Variants in CHST12 observed in about 807,000 individuals in gnomAD.
CHST12 encodes the protein carbohydrate sulfotransferase 12.
A neutral mutation model predicts 27.9 loss-of-function variants in CHST12; 23 were observed. The ratio of observed to expected loss-of-function variants is 0.82; its 90% CI spans 0.59 to 1.17. CHST12 has a LOEUF of 1.17. Ranked by LOEUF, CHST12 falls within the 50% of genes most tolerant of loss-of-function variation. The pLI, the probability that CHST12 is intolerant of heterozygous loss-of-function variation, is 0.00. For synonymous variants in CHST12, 322 were observed against 273.0 expected, an observed-to-expected ratio of 1.18 and a Z score of -1.77; for missense variants, 682 against 603.0, an observed-to-expected ratio of 1.13 and a Z score of -1.37.
chr7:2,420,430 G>A (rs890512312), intron 1 of CHST12, among the ~76,000 whole-genome samples: 6 of 152,078 alleles, frequency 3.9e-5, no homozygotes, highest in Admixed American at 2.0e-4. Flanking sequence ...CATCTGTCGC[G>A]AACACTTGGG....
Position 2,433,445 on chromosome 7 carries a change from AGTTCGCC to A in CHST12, c.809_815del (p.Phe270CysfsTer157). ...CTGGAGAACGAGGAGTTCTACCGCA[AGTTCGCC>A]GTGCCCATGCTGCGGCTGTACGCCA... On this transcript the variant is annotated frameshift_variant, in exon 2 of 2. Coordinates refer to ENST00000618655, the MANE Select transcript of CHST12 (RefSeq NM_018641.5). LOFTEE classifies it high-confidence loss of function. This position sits in a 1 kb window ranked among gnomAD's most constrained non-coding sequence, Gnocchi z 6.1. 1 of 1,610,146 alleles carries A rather than the reference AGTTCGCC, an allele frequency of 6.2e-7. No individual in the cohort carries two copies. Among genetic ancestry groups the A allele is most frequent in the Non-Finnish European group, 8.5e-7 (1 of 1,179,914 alleles).
At chr7:2,419,259 A>G (rs1010475414) in intron 1 of CHST12, among the ~76,000 whole-genome samples, 2 of 152,054 alleles carry the variant, frequency 1.3e-5, no homozygotes, top group Non-Finnish European at 2.9e-5. Flanking sequence ...AAATACAAAA[A>G]TTAGCCAGGC....
At position 2,440,454 on chromosome 7, in the gene CHST12, G is replaced by C. The variant is rs1048148242; in HGVS notation, c.*6570G>C. The C allele has an allele frequency of 2.0e-5, 3 of 152,526 alleles. No individual in the cohort carries two copies. Among genetic ancestry groups the C allele is most frequent in the Non-Finnish European group, 4.4e-5 (3 of 68,252 alleles). 9.4% of individuals were successfully genotyped at this position (152,526 alleles called of 1,614,324 possible). ...ATTTGGACTTGAAAATTCTAGCTCA[G>C]GTCTTTGGGGTAGTGTTTGACCTGA... is the stretch of plus-strand genomic sequence containing the variant. On this transcript the variant is annotated 3_prime_UTR_variant, in exon 2 of 2. Coordinates refer to ENST00000618655, the MANE Select transcript of CHST12 (RefSeq NM_018641.5).
At chr7:2,424,988 T>G (rs1583219533) in intron 1 of CHST12, among the ~76,000 whole-genome samples, 1 of 151,878 alleles carries the variant, frequency 6.6e-6, no homozygotes, top group African/African-American at 2.4e-5. Context: ...GGCAGATCAC[T>G]TGAGGTCAGG....
At chr7:2,403,860 C>G (rs998871707) in intron 1 of CHST12, among the ~76,000 whole-genome samples, 187 bp downstream of exon 1, 3 of 152,006 alleles carry the variant, frequency 2.0e-5, no homozygotes, top group Non-Finnish European at 4.4e-5. Context: ...GCAGTGTGAC[C>G]TTGGCCCTGC....
At chr7:2,428,827 C>T (rs988329271) in intron 1 of CHST12, among the ~76,000 whole-genome samples, 1 of 152,158 alleles carries the variant, frequency 6.6e-6, no homozygotes, top group East Asian at 1.9e-4. Context: ...TGGTTACAAA[C>T]AATCCATAGA....
intron 1 of CHST12, among the ~76,000 whole-genome samples, chr7:2,414,024 C>T (rs1049599249): frequency 3.3e-5 from 5 of 151,996 alleles, no homozygotes; most frequent in Non-Finnish European, 7.4e-5. Flanking sequence ...CCACCACGCC[C>T]GGCCAGTTAT....
intron 1 of CHST12, among the ~76,000 whole-genome samples, chr7:2,428,505 G>T (rs1375710141): frequency 6.6e-6 from 1 of 152,178 alleles, no homozygotes; most frequent in Non-Finnish European, 1.5e-5. Context: ...TGGGTCCGGG[G>T]GGTGACCGCC....
rs6972497 is a variant in CHST12, at chr7:2,440,032, C to T, written c.*6148C>T. On this transcript the variant is annotated 3_prime_UTR_variant, in exon 2 of 2. Transcript: ENST00000618655. ...GCTGTGCCCAGCAGGAATAATTTCT[C>T]AGTGCATCTCTGATGGGGAGGCTAA... 1.3e-4 allele frequency: 20 copies of T among 152,158 alleles called. No individual in the cohort carries two copies. The highest frequency in any genetic ancestry group is 4.8e-4 in the African/African-American group (20 of 41,428). 9.4% of individuals were successfully genotyped at this position (152,158 alleles called of 1,614,324 possible). A position where few individuals can be genotyped will look rare whatever the true frequency, so the allele number is the denominator to read the frequency against.
In CHST12 at chr7:2,425,691, C is replaced by CTTTTTTTTTTTTT. The variant is rs760502452; in HGVS notation, c.-77-6870_-77-6858dup. 7.9e-4 allele frequency among the ~76,000 whole-genome samples: 109 copies of CTTTTTTTTTTTTT among 137,806 alleles called. 1 individual carries two copies. In the South Asian group the frequency reaches 0.015, roughly 19 times the overall value. The allele number at this position is 137,806 out of a possible 152,430, so 90.4% of individuals were successfully genotyped here. A position where few individuals can be genotyped will look rare whatever the true frequency, so the allele number is the denominator to read the frequency against. On this transcript the variant is annotated intron_variant, in intron 1 of 1. Transcript: ENST00000618655. ...CAAATGCAAAATAGCACTGCATTTG[C>CTTTTTTTTTTTTT]TTTTTTTTTTTTTTGTCTTTTGTCA...
rs1271339221 is a variant in CHST12 at position 2,440,390 on chromosome 7, C to T, written c.*6506C>T. On this transcript the variant is annotated 3_prime_UTR_variant, in exon 2 of 2. Coordinates refer to ENST00000618655, the MANE Select transcript of CHST12 (RefSeq NM_018641.5). Reference sequence around the variant, plus strand: ...GTGTGCGTGCAAGTGTGAGTCTGCACTTGTGTGCAAGAGAATGTGTGTGTG... The same window carrying T: ...GTGTGCGTGCAAGTGTGAGTCTGCATTTGTGTGCAAGAGAATGTGTGTGTG... 2 of 153,944 alleles carry T rather than the reference C, an allele frequency of 1.3e-5. No homozygotes were observed. The highest frequency in any genetic ancestry group is 6.0e-4 in the Middle Eastern group (1 of 1,676). The allele number at this position is 153,944 out of a possible 1,614,324, so 9.5% of individuals were successfully genotyped here.
chr7:2,412,861 T>C (rs1781701817), intron 1 of CHST12, among the ~76,000 whole-genome samples: 1 of 152,074 alleles, frequency 6.6e-6, no homozygotes, highest in Non-Finnish European at 1.5e-5. Flanking sequence ...TGTTAGCTAT[T>C]GGTATTGTTA....
chr7:2,417,226 CTTT>C (rs1210382918), intron 1 of CHST12, among the ~76,000 whole-genome samples: 8 of 139,040 alleles, frequency 5.8e-5, no homozygotes, highest in Admixed American at 1.5e-4. Flanking sequence ...CTTACTCTAC[CTTT>C]TTTTTTTTTT....
At chr7:2,413,177 A>C (rs1165995848) in intron 1 of CHST12, among the ~76,000 whole-genome samples, 1 of 152,196 alleles carries the variant, frequency 6.6e-6, no homozygotes, top group Admixed American at 6.5e-5. Context: ...GGCCCAGGCC[A>C]CTCAGCAGAG....
In CHST12 at chr7:2,438,682, G is replaced by A. The variant is rs936870193; in HGVS notation, c.*4798G>A. On this transcript the variant is annotated 3_prime_UTR_variant, in exon 2 of 2. Coordinates refer to ENST00000618655, the MANE Select transcript of CHST12 (RefSeq NM_018641.5). ...TTAAACGTTTCTCCCGAGTGTTGGA[G>A]TGACTGTTTGCACACATCTGTTGTG... The A allele has an allele frequency of 6.6e-6, 1 of 152,266 alleles. No individual in the cohort carries two copies. Among genetic ancestry groups the A allele is most frequent in the Admixed American group, 6.5e-5 (1 of 15,282 alleles). The allele number at this position is 152,266 out of a possible 1,614,324, so 9.4% of individuals were successfully genotyped here. A position where few individuals can be genotyped will look rare whatever the true frequency, so the allele number is the denominator to read the frequency against.
intron 1 of CHST12, among the ~76,000 whole-genome samples, chr7:2,417,387 CT>C (rs769115925): frequency 0.011 from 1,376 of 129,678 alleles, 11 homozygotes; most frequent in Admixed American, 0.036. Flanking sequence ...CCATGTCTGA[CT>C]TTTTTTTTTT....
chr7:2,413,026 T>G (rs2270005), intron 1 of CHST12, among the ~76,000 whole-genome samples: 28,023 of 152,148 alleles, frequency 0.18, 3,261 homozygotes, highest in African/African-American at 0.33. Context: ...CCGGGGCAGA[T>G]TCTAAAGAAA....
chr7:2,425,818 A>G (rs1309850426), intron 1 of CHST12, among the ~76,000 whole-genome samples: 6 of 151,398 alleles, frequency 4.0e-5, no homozygotes, highest in Non-Finnish European at 1.5e-5. Context: ...TTATCCCACT[A>G]TACGTTTCCA....
chr7:2,421,425 G>A (rs1371631934), intron 1 of CHST12, among the ~76,000 whole-genome samples: 1 of 127,334 alleles, frequency 7.9e-6, no homozygotes, highest in South Asian at 2.5e-4. Flanking sequence ...TTTTAGTTTG[G>A]TTTTTTTTTT....
Sources: gnomAD v4.1 joint callset for allele counts (sites outside exome capture counted in the v4.1 genomes callset) on GRCh38, gnomAD v4.1.1 for gene constraint, Gnocchi (gnomAD v3.1) non-coding constraint, MANE v1.5 for transcripts, NCBI Gene and HGNC (gene_info 2026-07-23, HGNC 2026-07-21) for gene names.